Variants in NFIA observed in about 807,000 individuals in gnomAD.
NFIA encodes the protein nuclear factor I A.
In NFIA, 8 loss-of-function variants were observed where a neutral mutation model predicts 62.8. That is an observed-to-expected ratio of 0.13 (90% CI 0.07 to 0.23). The LOEUF (loss-of-function observed/expected upper bound fraction) is 0.23. Among genes scored for constraint, NFIA ranks in the 10% least tolerant of loss-of-function variants. NFIA has a pLI of 1.00. For missense variants in NFIA, 410 were observed against 642.1 expected, an observed-to-expected ratio of 0.64 and a Z score of 3.91; for synonymous variants, 235 against 238.1, an observed-to-expected ratio of 0.99 and a Z score of 0.12.
At chr1:61,220,828 G>T (rs1300833945) in intron 2 of NFIA, among the ~76,000 whole-genome samples, 1 of 152,132 alleles carries the variant, frequency 6.6e-6, no homozygotes, top group African/African-American at 2.4e-5. Flanking sequence ...GTATGCATGG[G>T]TTAGTAAGTA....
At chr1:61,108,811 G>A (rs2100449281) in intron 2 of NFIA, among the ~76,000 whole-genome samples, 1 of 151,798 alleles carries the variant, frequency 6.6e-6, no homozygotes, top group East Asian at 1.9e-4. Context: ...TTTGGTATAT[G>A]CTACCATAAT....
intron 2 of NFIA, among the ~76,000 whole-genome samples, chr1:61,262,903 A>G (rs942209698): frequency 6.6e-6 from 1 of 152,172 alleles, no homozygotes; most frequent in African/African-American, 2.4e-5. Context: ...GTGTTGTTCC[A>G]TCCATCCCCA....
intron 2 of NFIA, among the ~76,000 whole-genome samples, chr1:61,190,097 TTGGAAGCCTCTCCATCA>T (rs1251199240): frequency 6.6e-6 from 1 of 152,210 alleles, no homozygotes; most frequent in Non-Finnish European, 1.5e-5. Flanking sequence ...ACAGGTAGCG[TTGGAAGCCTCTCCATCA>T]GTTACCTCAT....
chr1:61,328,049 GTCTA>G (rs1661051940), intron 3 of NFIA, among the ~76,000 whole-genome samples: 1 of 151,096 alleles, frequency 6.6e-6, no homozygotes, highest in Non-Finnish European at 1.5e-5. Flanking sequence ...TTGGCCATTT[GTCTA>G]TCTTCTTTTG....
intron 3 of NFIA, among the ~76,000 whole-genome samples, chr1:61,308,859 C>T (rs1659941247): frequency 6.6e-6 from 1 of 152,120 alleles, no homozygotes; most frequent in African/African-American, 2.4e-5. Flanking sequence ...GGTGGTGATA[C>T]TCCATGCTAT....
intron 2 of NFIA, among the ~76,000 whole-genome samples, chr1:61,266,392 A>T (rs555682264): frequency 4.1e-5 from 6 of 145,008 alleles, no homozygotes; most frequent in Admixed American, 4.0e-4. Flanking sequence ...TTTTATTTTT[A>T]TTTTTGAGAC....
chr1:61,169,758 C>T (rs182856645), intron 2 of NFIA, among the ~76,000 whole-genome samples: 2 of 152,126 alleles, frequency 1.3e-5, no homozygotes, highest in East Asian at 3.9e-4. Context: ...GTTCTGAATT[C>T]CCAGTTGGTA....
At chr1:61,253,987 T>A (rs1030835692) in intron 2 of NFIA, among the ~76,000 whole-genome samples, 2 of 152,200 alleles carry the variant, frequency 1.3e-5, no homozygotes, top group African/African-American at 4.8e-5. Flanking sequence ...TTTGTTTGAT[T>A]ATTTATTTTG....
At chr1:61,411,918 G>A (rs1174771751) in intron 9 of NFIA, among the ~76,000 whole-genome samples, 1 of 151,772 alleles carries the variant, frequency 6.6e-6, no homozygotes, top group Non-Finnish European at 1.5e-5. Flanking sequence ...AGGGGGTGAG[G>A]TCAGAGTGGA....
At position 61,257,522 on chromosome 1, in the gene NFIA, T is replaced by C. The variant is rs187751957; in HGVS notation, c.560-19998T>C. Among the ~76,000 whole-genome samples, 669 of 151,866 alleles carry C rather than the reference T, an allele frequency of 4.4e-3. 5 individuals carry two copies. The highest frequency in any genetic ancestry group is 0.016 in the African/African-American group (651 of 41,408). Reference sequence around the variant, plus strand: ...CCAGCTAATTTTTGTATTTTTTTAGTAGAGACGGGGTTTCACCATGTTAGC... The same window carrying C: ...CCAGCTAATTTTTGTATTTTTTTAGCAGAGACGGGGTTTCACCATGTTAGC... On this transcript the variant is annotated intron_variant, in intron 2 of 10. Transcript: ENST00000403491.
intron 2 of NFIA, among the ~76,000 whole-genome samples, chr1:61,129,419 G>A (rs2100486900): frequency 6.7e-6 from 1 of 150,338 alleles, no homozygotes; most frequent in Middle Eastern, 3.5e-3. Flanking sequence ...CATATGCACA[G>A]AATGACAATA....
intron 10 of NFIA, among the ~76,000 whole-genome samples, chr1:61,431,178 T>A (rs1262346967): frequency 6.6e-6 from 1 of 152,132 alleles, no homozygotes. Context: ...TTGCATCCCA[T>A]AACTTAATCT....
At chr1:61,379,950 A>G (rs1250731241) in intron 6 of NFIA, among the ~76,000 whole-genome samples, 1 of 152,158 alleles carries the variant, frequency 6.6e-6, no homozygotes, top group African/African-American at 2.4e-5. Context: ...TTGCACTTAT[A>G]AGTGCCTCCA....
intron 2 of NFIA, among the ~76,000 whole-genome samples, chr1:61,172,279 A>G (rs1183325225): frequency 7.1e-6 from 1 of 141,608 alleles, no homozygotes; most frequent in Non-Finnish European, 1.5e-5. Flanking sequence ...AGAGGATGGT[A>G]TCCCCAGAGA....
chr1:61,156,110 G>GGC (rs1648803649), intron 2 of NFIA, among the ~76,000 whole-genome samples: 1 of 152,174 alleles, frequency 6.6e-6, no homozygotes, highest in African/African-American at 2.4e-5. Context: ...CTCCAGCCTG[G>GGC]GCGACAGAGC....
intron 6 of NFIA, among the ~76,000 whole-genome samples, chr1:61,369,163 C>G (rs1436488408): frequency 6.6e-6 from 1 of 152,164 alleles, no homozygotes; most frequent in African/African-American, 2.4e-5. Flanking sequence ...TACTCCATCT[C>G]TAAGAAGCTT....
At chr1:61,203,760 G>A (rs555825109) in intron 2 of NFIA, among the ~76,000 whole-genome samples, 77 of 152,050 alleles carry the variant, frequency 5.1e-4, no homozygotes, top group Non-Finnish European at 9.4e-4. Context: ...TGCTTGTGAT[G>A]TTCTTTGTAA....
chr1:61,137,991 G>A (rs866306453), intron 2 of NFIA, among the ~76,000 whole-genome samples: 7 of 150,358 alleles, frequency 4.7e-5, no homozygotes, highest in Non-Finnish European at 1.0e-4. Context: ...CAAATTAGAT[G>A]GAGTGAAGAG....
At chr1:61,393,817 T>C (rs1665133400) in intron 7 of NFIA, among the ~76,000 whole-genome samples, 1 of 152,164 alleles carries the variant, frequency 6.6e-6, no homozygotes, top group Non-Finnish European at 1.5e-5. Flanking sequence ...TGGGCTCAGC[T>C]TACTCACTAG....
Sources: allele counts gnomAD v4.1 joint callset (sites outside exome capture counted in the v4.1 genomes callset), GRCh38; gene constraint gnomAD v4.1.1; transcripts MANE v1.5; gene names NCBI Gene and HGNC (gene_info 2026-07-23, HGNC 2026-07-21).